The following PCNT variants were observed in gnomAD, a reference collection of about 807,000 sequenced individuals.
The protein encoded by PCNT is pericentrin.
PCNT carries 319 observed loss-of-function variants against 380.4 expected under a neutral mutation model. The observed-to-expected ratio is 0.84, with a 90% confidence interval of 0.77 to 0.92. The LOEUF (loss-of-function observed/expected upper bound fraction) is 0.92. Among genes scored for constraint, PCNT ranks in the 40% least tolerant of loss-of-function variants. PCNT has a pLI of 0.00. For synonymous variants in PCNT, 1,845 were observed against 1,735.2 expected (o/e 1.06, Z -1.57); for missense variants, 4,400 against 4,255.3 (o/e 1.03, Z -0.95).
intron 21 of PCNT, among the ~76,000 whole-genome samples, chr21:46,393,126 C>T (rs990925588): frequency 2.6e-5 from 4 of 152,190 alleles, no homozygotes; most frequent in African/African-American, 7.2e-5. Context: ...CATCTCCCCA[C>T]GGGCCTCTAA....
chr21:46,343,837 C>T (rs2083981976), intron 3 of PCNT, among the ~76,000 whole-genome samples: 1 of 152,096 alleles, frequency 6.6e-6, no homozygotes, highest in African/African-American at 2.4e-5. Context: ...TCTTCCTGGT[C>T]TAATCTCGAA....
At chr21:46,365,508 A>T (rs78645193) in intron 14 of PCNT, among the ~76,000 whole-genome samples, 319 of 20,874 alleles carry the variant, frequency 0.015, no homozygotes, top group Admixed American at 0.018. Context: ...TGGGGTTCTG[A>T]TCACTGCCAT....
In PCNT at chr21:46,427,611, TCTTC is replaced by T; in HGVS notation, c.7321-7_7321-4del. ...TTGTGAGGACGCCACGTTTCTTCCT[TCTTC>T]CTTTAGGAAGTGCCCACCGCGTGCC... On this transcript the variant is annotated splice_region_variant and splice_polypyrimidine_tract_variant and intron_variant, in intron 33 of 46. Transcript: ENST00000359568. 6.2e-7 allele frequency: 1 copy of T among 1,613,868 alleles called. No homozygotes were observed. Among genetic ancestry groups the T allele is most frequent in the Non-Finnish European group, 8.5e-7 (1 of 1,180,024 alleles).
At chr21:46,439,664 T>C (rs2053555992) in intron 41 of PCNT, among the ~76,000 whole-genome samples, 1 of 152,206 alleles carries the variant, frequency 6.6e-6, no homozygotes, top group African/African-American at 2.4e-5. Context: ...CACCCACAGT[T>C]GGTTGAATCC....
chr21:46,346,054 C>T lies in PCNT; in HGVS notation c.640-74C>T, dbSNP rs1394965148. The T allele has an allele frequency of 4.6e-5, 64 of 1,388,768 alleles. 2 individuals are homozygous for T. The South Asian group carries it at 5.3e-4, about 12-fold the overall frequency. The allele number at this position is 1,388,768 out of a possible 1,614,324, so 86.0% of individuals were successfully genotyped here. On this transcript the variant is annotated intron_variant, in intron 3 of 46. Coordinates refer to ENST00000359568, the MANE Select transcript of PCNT (RefSeq NM_006031.6). ...AACGGGGTTTTGTGAGGACGTGCGT[C>T]GTCAGTTCTTGAGCACATCACTGTG...
intron 45 of PCNT, 43 bp from the exon 46 acceptor site, chr21:46,444,645 CTCTTTT>C (rs779564626): frequency 7.7e-6 from 11 of 1,428,822 alleles, no homozygotes; most frequent in South Asian, 1.2e-5. Context: ...TCAAACTCAA[CTCTTTT>C]TTTTTTTTTT....
intron 13 of PCNT, among the ~76,000 whole-genome samples, chr21:46,361,809 T>C (rs1167158504): frequency 6.6e-6 from 1 of 152,224 alleles, no homozygotes; most frequent in Non-Finnish European, 1.5e-5. Context: ...TTTTGTGGCA[T>C]TAAAAAGTCT....
chr21:46,428,517 G>A lies in PCNT; in HGVS notation c.7617G>A (p.Leu2539=), dbSNP rs1307230232. The part of the protein sequence containing the change: ...RMTHLQNQEK[L]QHLRTALTSA... ...CGCACCTGCAGAACCAGGAGAAGCT[G>A]CAGCACTTGCGCACGGCGCTGACAA... Residue 2539 remains leucine, a synonymous_variant, in exon 35 of 47, where the codon CTG becomes CTA. Coordinates refer to ENST00000359568, the MANE Select transcript of PCNT (RefSeq NM_006031.6). 3.1e-6 allele frequency: 5 copies of A among 1,611,476 alleles called. No individual in the cohort carries two copies. The African/African-American group carries it at 5.3e-5, about 17-fold the overall frequency.
At chr21:46,329,214 G>T (rs952296877) in intron 2 of PCNT, among the ~76,000 whole-genome samples, 25 of 152,302 alleles carry the variant, frequency 1.6e-4, no homozygotes, top group African/African-American at 6.0e-4. Context: ...AGAAGGCATG[G>T]TATAGACTCC....
At position 46,411,571 on chromosome 21, in the gene PCNT, TACA is replaced by T. The variant is rs1264532047; in HGVS notation, c.5499_5501del (p.Gln1834del). 1.2e-6 allele frequency: 2 copies of T among 1,612,712 alleles called. No individual in the cohort carries two copies. The highest frequency in any genetic ancestry group is 1.7e-6 in the Non-Finnish European group (2 of 1,179,734). ...CAGGGCGCAGAGGAGGCTGCGGAGCTACAGCTGGCTGAGCTGGAGCGCAATGTA... is the reference window on the plus strand; with the variant it reads ...CAGGGCGCAGAGGAGGCTGCGGAGCTGCTGGCTGAGCTGGAGCGCAATGTA... On this transcript the variant is annotated inframe_deletion, in exon 28 of 47. Transcript: ENST00000359568.
At chr21:46,443,987 C>T in intron 45 of PCNT, 39 bp downstream of exon 45, 1 of 1,601,970 alleles carries the variant, frequency 6.2e-7, no homozygotes, top group Non-Finnish European at 8.5e-7. Context: ...CCTGCCAGGG[C>T]TCTCCCTCCA....
At chr21:46,445,055 C>CTT (rs147675714) in intron 46 of PCNT, among the ~76,000 whole-genome samples, 1 of 152,110 alleles carries the variant, frequency 6.6e-6, no homozygotes, top group African/African-American at 2.4e-5. Context: ...ACCGTCTGGA[C>CTT]TTTTTTGTCC....
chr21:46,421,886 AC>A, intron 31 of PCNT, 83 bp from the exon 32 acceptor site: 2 of 1,481,690 alleles, frequency 1.3e-6, no homozygotes, highest in Non-Finnish European at 1.9e-6. Flanking sequence ...CGGGCCGATC[AC>A]CCCTGTCCTG....
At chr21:46,394,303 C>G (rs2086135384) in intron 21 of PCNT, among the ~76,000 whole-genome samples, 1 of 152,174 alleles carries the variant, frequency 6.6e-6, no homozygotes, top group Non-Finnish European at 1.5e-5. Context: ...CTTTTGTTCT[C>G]TTTGTCTCCT....
Position 46,398,224 on chromosome 21 carries a change from G to T in PCNT, c.4564-11G>T. ...TTAAATTTTTGCCTTCCATGTACAT[G>T]AAATCGGCAGCAGGCGCCGCTGGAT... On this transcript the variant is annotated splice_polypyrimidine_tract_variant and intron_variant, in intron 23 of 46. Coordinates refer to ENST00000359568, the MANE Select transcript of PCNT (RefSeq NM_006031.6). 1 of 1,608,382 alleles carries T rather than the reference G, an allele frequency of 6.2e-7. No individual in the cohort carries two copies. The highest frequency in any genetic ancestry group is 8.5e-7 in the Non-Finnish European group (1 of 1,178,396).
intron 43 of PCNT, 143 bp from the exon 44 acceptor site, chr21:46,442,354 A>G (rs2053630220): frequency 1.4e-6 from 1 of 698,576 alleles, no homozygotes; most frequent in South Asian, 1.5e-5. Context: ...GCCCGAGTCA[A>G]CAGACTGGCC....
rs754896814 is a variant in PCNT, at chr21:46,355,524, C to T, written c.1834C>T (p.Leu612Phe). ...RHQLEALESP[L>F]CIQHEGHVSD... ...CCAGCTGGAAGCGCTGGAGTCTCCC[C>T]TCTGCATCCAGCACGAGGGGCATGT... Residue 612 changes from leucine (L) to phenylalanine (F), a missense_variant, in exon 12 of 47, where the codon CTC (leucine) becomes TTC (phenylalanine). Physicochemically the swap from Leu to Phe is conservative, Grantham distance 22. Transcript: ENST00000359568. 1.2e-6 allele frequency: 2 copies of T among 1,613,996 alleles called. No homozygotes were observed. Among genetic ancestry groups the T allele is most frequent in the African/African-American group, 2.7e-5 (2 of 74,944 alleles).
intron 3 of PCNT, among the ~76,000 whole-genome samples, chr21:46,340,245 G>A (rs117246984): frequency 2.0e-5 from 3 of 152,132 alleles, no homozygotes; most frequent in African/African-American, 7.2e-5. Context: ...GGAAAGACCC[G>A]CCCCCATGAT....
intron 45 of PCNT, 124 bp from the exon 46 acceptor site, chr21:46,444,570 C>A: frequency 1.0e-6 from 1 of 986,082 alleles, no homozygotes; most frequent in Non-Finnish European, 1.5e-6. Flanking sequence ...AGTCACCCAT[C>A]CCCACGGGTC....
Sources: allele counts gnomAD v4.1 joint callset (sites outside exome capture counted in the v4.1 genomes callset), GRCh38; gene constraint gnomAD v4.1.1; transcripts MANE v1.5; gene names NCBI Gene and HGNC (gene_info 2026-07-23, HGNC 2026-07-21).